VWC2: variants seen among roughly 807,000 people sequenced by gnomAD.
VWC2 encodes the protein brorin.
A neutral mutation model predicts 29.8 loss-of-function variants in VWC2; 14 were observed. The ratio of observed to expected loss-of-function variants is 0.47; its 90% CI spans 0.31 to 0.74. VWC2 has a LOEUF of 0.74. Ranked by LOEUF, VWC2 falls within the 30% of genes least tolerant of loss-of-function variation. VWC2 has a pLI of 0.05. For missense variants in VWC2, 457 were observed against 459.8 expected (o/e 0.99, Z 0.05); for synonymous variants, 213 against 199.0 (o/e 1.07, Z -0.59).
chr7:49,866,562 TTGCC>T (rs1187296745), intron 3 of VWC2, among the ~76,000 whole-genome samples: 121 of 152,334 alleles, frequency 7.9e-4, no homozygotes, highest in African/African-American at 2.7e-3. Context: ...GAGTTCGGGC[TTGCC>T]CATGTGACTC....
chr7:49,800,810 A>G (rs1477167616), intron 2 of VWC2, among the ~76,000 whole-genome samples: 1 of 145,014 alleles, frequency 6.9e-6, no homozygotes, highest in Non-Finnish European at 1.5e-5. Flanking sequence ...ACCCACAATG[A>G]TGACAGCAAC....
intron 3 of VWC2, among the ~76,000 whole-genome samples, chr7:49,843,946 A>C (rs533865141): frequency 1.7e-4 from 26 of 152,344 alleles, no homozygotes; most frequent in African/African-American, 5.8e-4. Flanking sequence ...GGTGACAGTT[A>C]GGACTCATTC....
intron 3 of VWC2, among the ~76,000 whole-genome samples, chr7:49,847,937 A>C (rs691417): frequency 0.94 from 143,203 of 152,218 alleles, 67,481 homozygotes; most frequent in African/African-American, 0.98. Context: ...ATGGGTTAGC[A>C]CTGGGAGGGG....
At chr7:49,795,613 G>A (rs1788570112) in intron 2 of VWC2, among the ~76,000 whole-genome samples, 1 of 152,204 alleles carries the variant, frequency 6.6e-6, no homozygotes, top group Admixed American at 6.5e-5. Flanking sequence ...AGGGTTGGGT[G>A]CCTAATCCTT....
rs543307497 is a variant in VWC2 at position 49,802,625 on chromosome 7, G to A, written c.697-86G>A. The A allele has an allele frequency of 3.7e-4, 577 of 1,555,982 alleles. 7 individuals carry two copies. The South Asian group carries it at 6.1e-3, about 17-fold the overall frequency. On this transcript the variant is annotated intron_variant, in intron 2 of 3. Coordinates refer to ENST00000340652, the MANE Select transcript of VWC2 (RefSeq NM_198570.5). ...TGCACTCCAGTGTGAGCGACAGAGC[G>A]AGACTCCATTTCAAAAAAATATATA...
rs566952791 is a variant in VWC2 at position 49,851,789 on chromosome 7, CAG to C, written c.826+48952_826+48953del. ...AGGAGAATCGCTTGAACCCAGGAGG[CAG>C]AGTTTGCAGAGCCGAGCTTGCGCCA... On this transcript the variant is annotated intron_variant, in intron 3 of 3. Transcript: ENST00000340652. 1.1e-3 allele frequency among the ~76,000 whole-genome samples: 165 copies of C among 151,900 alleles called. 1 individual carries two copies. Among genetic ancestry groups the C allele is most frequent in the Non-Finnish European group, 2.1e-3 (142 of 67,978 alleles).
chr7:49,806,098 A>C (rs13228679), intron 3 of VWC2, among the ~76,000 whole-genome samples: 15,607 of 149,922 alleles, frequency 0.1, 857 homozygotes, highest in African/African-American at 0.12. Context: ...TTTAAATTCC[A>C]CCCCCCCACA....
chr7:49,775,841 G>C lies in VWC2; in HGVS notation c.406G>C (p.Ala136Pro). The C allele has an allele frequency of 6.5e-7, 1 of 1,550,108 alleles. No individual in the cohort carries two copies. Among genetic ancestry groups the C allele is most frequent in the Non-Finnish European group, 8.7e-7 (1 of 1,147,816 alleles). The part of the protein sequence containing the change: ...AAQDAIGPEL[A>P]PTPEPPEEYV... ...CCAGGACGCGATTGGCCCGGAACTC[G>C]CGCCCACGCCCGAGCCACCCGAGGA... The change falls in exon 2 of 4, where the codon GCG (alanine) becomes CCG (proline). Residue 136 changes from alanine (A) to proline (P), a missense_variant. This residue lies in a region of VWC2 where 272 missense variants were observed against 202.7 expected (regional missense o/e 1.34). Transcript: ENST00000340652.
rs1443521504 is a variant in VWC2 at position 49,912,468 on chromosome 7, A to G, written c.*283A>G. ...ACTATTATATATCAAATGTATTTCT[A>G]TAATCCCTCCATTAGAGAGCTTATA... is the stretch of plus-strand genomic sequence containing the variant. On this transcript the variant is annotated 3_prime_UTR_variant, in exon 4 of 4. Transcript: ENST00000340652. The G allele has an allele frequency of 7.8e-6, 2 of 257,424 alleles. No individual in the cohort carries two copies. Among genetic ancestry groups the G allele is most frequent in the African/African-American group, 2.2e-5 (1 of 44,796 alleles). 15.9% of individuals were successfully genotyped at this position (257,424 alleles called of 1,614,324 possible).
chr7:49,835,378 C>A (rs1789633208), intron 3 of VWC2, among the ~76,000 whole-genome samples: 1 of 152,170 alleles, frequency 6.6e-6, no homozygotes, highest in South Asian at 2.1e-4. Context: ...GCTAGTGACA[C>A]ATGTGGGCTT....
rs980791394 is a variant in VWC2, at chr7:49,773,718, G to T, written c.-499G>T. 2 of 152,076 alleles carry T rather than the reference G, an allele frequency of 1.3e-5. No individual in the cohort carries two copies. Among genetic ancestry groups the T allele is most frequent in the African/African-American group, 2.4e-5 (1 of 41,396 alleles). 9.4% of individuals were successfully genotyped at this position (152,076 alleles called of 1,614,324 possible). ...TTCTCTTTTCCCTCCGACGCGCCAC[G>T]GCTGCCCAGACATTCCGGCTGCCGG... On this transcript the variant is annotated 5_prime_UTR_variant, in exon 1 of 4. Transcript: ENST00000340652.
At chr7:49,793,975 G>A (rs1282045078) in intron 2 of VWC2, among the ~76,000 whole-genome samples, 1 of 152,172 alleles carries the variant, frequency 6.6e-6, no homozygotes, top group African/African-American at 2.4e-5. Flanking sequence ...TGAAAGGAGG[G>A]CACAAATGCG....
chr7:49,813,676 A>G (rs952718559), intron 3 of VWC2, among the ~76,000 whole-genome samples: 3 of 152,234 alleles, frequency 2.0e-5, no homozygotes, highest in Non-Finnish European at 4.4e-5. Context: ...TTTAGGGTTT[A>G]TGGAAATATA....
intron 3 of VWC2, among the ~76,000 whole-genome samples, chr7:49,890,447 T>C (rs1240065597): frequency 1.3e-5 from 2 of 152,142 alleles, no homozygotes; most frequent in East Asian, 3.8e-4. Flanking sequence ...GCTGTTTGAC[T>C]TTTTACAGAC....
At chr7:49,796,286 A>G (rs1484008196) in intron 2 of VWC2, among the ~76,000 whole-genome samples, 3 of 152,130 alleles carry the variant, frequency 2.0e-5, no homozygotes, top group African/African-American at 4.8e-5. Flanking sequence ...TTACTTGGAA[A>G]ATTGTTCTGG....
At chr7:49,779,885 C>A (rs1358539652) in intron 2 of VWC2, among the ~76,000 whole-genome samples, 1 of 152,182 alleles carries the variant, frequency 6.6e-6, no homozygotes, top group East Asian at 1.9e-4. Context: ...CTGTCTGTGT[C>A]CACATCTCCT....
At chr7:49,799,060 G>T (rs1482714149) in intron 2 of VWC2, among the ~76,000 whole-genome samples, 1 of 152,194 alleles carries the variant, frequency 6.6e-6, no homozygotes, top group African/African-American at 2.4e-5. Flanking sequence ...AGTGGGCTCA[G>T]GGGGTTGGCA....
chr7:49,873,201 T>C (rs1180126685), intron 3 of VWC2, among the ~76,000 whole-genome samples: 1 of 152,162 alleles, frequency 6.6e-6, no homozygotes, highest in Non-Finnish European at 1.5e-5. Context: ...ACAAAATACA[T>C]GAACTGGATG....
At chr7:49,833,145 G>A (rs530600804) in intron 3 of VWC2, among the ~76,000 whole-genome samples, 49 of 152,218 alleles carry the variant, frequency 3.2e-4, no homozygotes, top group Non-Finnish European at 2.8e-4. Flanking sequence ...TAACTGCAGG[G>A]CGTTTAGTGT....
Sources: gnomAD v4.1 joint callset for allele counts (sites outside exome capture counted in the v4.1 genomes callset) on GRCh38, gnomAD v4.1.1 for gene constraint, gnomAD v4.1.1 regional missense constraint, MANE v1.5 for transcripts, NCBI Gene and HGNC (gene_info 2026-07-23, HGNC 2026-07-21) for gene names.